The following PRR5 variants were observed in gnomAD, a reference collection of about 807,000 sequenced individuals.
The protein encoded by PRR5 is proline-rich protein 5.
In PRR5, 25 loss-of-function variants were observed where a neutral mutation model predicts 30.6. The observed-to-expected ratio is 0.82, with a 90% CI of 0.60 to 1.14. The LOEUF is 1.14. PRR5 is among the 50% of genes most tolerant of loss of function. The probability of loss-of-function intolerance (pLI) is 0.00; values close to 1 mark genes in which losing one functional copy is unlikely to be tolerated. For synonymous variants in PRR5, 286 were observed against 247.1 expected, an observed-to-expected ratio of 1.16 and a Z score of -1.48; for missense variants, 600 against 547.1, an observed-to-expected ratio of 1.10 and a Z score of -0.96.
intron 2 of PRR5, 81 bp downstream of exon 2, chr22:44,714,752 C>G (rs930415312): frequency 7.1e-6 from 11 of 1,541,770 alleles, no homozygotes; most frequent in Non-Finnish European, 7.9e-6. Context: ...CCAGCCAGGC[C>G]CCTGACCCGC....
intron 1 of PRR5, among the ~76,000 whole-genome samples, chr22:44,706,766 A>G (rs1927269241): frequency 6.6e-6 from 1 of 151,904 alleles, no homozygotes; most frequent in Non-Finnish European, 1.5e-5. Context: ...GACCTCAAGC[A>G]ATCCACCTGC....
At chr22:44,720,873 A>G (rs1380154493) in intron 2 of PRR5, among the ~76,000 whole-genome samples, 2 of 152,106 alleles carry the variant, frequency 1.3e-5, no homozygotes. Context: ...AGGCCAGGGG[A>G]GCCGGAGAGG....
At chr22:44,685,517 C>T (rs1453862594) in intron 1 of PRR5, among the ~76,000 whole-genome samples, 1 of 152,038 alleles carries the variant, frequency 6.6e-6, no homozygotes, top group African/African-American at 2.4e-5. Flanking sequence ...GGGAGCCTTG[C>T]GCTTTCAGAG....
chr22:44,702,323 C>A lies in PRR5; in HGVS notation c.-152C>A, dbSNP rs1405671776. 2 of 1,148,814 alleles carry A rather than the reference C, an allele frequency of 1.7e-6. No individual in the cohort carries two copies. The highest frequency in any genetic ancestry group is 7.6e-5 in the East Asian group (2 of 26,304). The allele number at this position is 1,148,814 out of a possible 1,614,324, so 71.2% of individuals were successfully genotyped here. ...CGGGACCCGAGACGGAGGCGCGGGG[C>A]CGGGGCGGGACCCCGCAGGACCGCT... On this transcript the variant is annotated 5_prime_UTR_variant, in exon 1 of 8. Coordinates refer to ENST00000336985, the MANE Select transcript of PRR5 (RefSeq NM_181333.4).
chr22:44,687,900 G>A (rs150965770), intron 1 of PRR5, among the ~76,000 whole-genome samples: 7,923 of 151,770 alleles, frequency 0.052, 424 homozygotes, highest in African/African-American at 0.14. Context: ...TCAGCCCCCC[G>A]AGTAGCTGGG....
chr22:44,729,635 G>A (rs1921553639), intron 4 of PRR5: 6 of 985,458 alleles, frequency 6.1e-6, no homozygotes, highest in Middle Eastern at 5.2e-4. Flanking sequence ...CCCCATACCT[G>A]CCTCCGACTA....
chr22:44,735,233 C>T (rs1922997092), intron 7 of PRR5, 71 bp downstream of exon 7: 2 of 1,486,304 alleles, frequency 1.3e-6, no homozygotes, highest in South Asian at 1.2e-5. Flanking sequence ...AACAAATGGG[C>T]AAGCCGAGGC....
intron 2 of PRR5, among the ~76,000 whole-genome samples, chr22:44,715,168 C>T (rs1928872435): frequency 6.6e-6 from 1 of 152,172 alleles, no homozygotes; most frequent in African/African-American, 2.4e-5. Context: ...GACACACACC[C>T]GACAAGCTGC....
chr22:44,687,556 T>C (rs1364030979), intron 1 of PRR5, among the ~76,000 whole-genome samples: 1 of 152,192 alleles, frequency 6.6e-6, no homozygotes, highest in East Asian at 1.9e-4. Flanking sequence ...TTGTCATCTC[T>C]TATTGTCAGT....
At position 44,681,648 on chromosome 22, in the gene PRR5, G is replaced by C. The variant is rs1601951071; in HGVS notation, c.-11+4408G>C. 1.3e-4 allele frequency among the ~76,000 whole-genome samples: 20 copies of C among 152,204 alleles called. 2 individuals carry two copies. In the South Asian group the frequency reaches 4.2e-3, roughly 32 times the overall value. On this transcript the variant is annotated intron_variant, in intron 1 of 8. Transcript: ENST00000006251. The stretch of plus-strand genomic sequence containing the variant: ...CTTTTTGAAGAGTCCAGCAGACAGT[G>C]CAGGCACAGCTCTGGGGAGGCGAGG...
chr22:44,669,964 C>A lies in PRR5; in HGVS notation c.-11+1159C>A, dbSNP rs77294426. Among the ~76,000 whole-genome samples the A allele has an allele frequency of 5.9e-4, 90 of 152,298 alleles. 2 individuals carry two copies. In the East Asian group the frequency reaches 0.016, roughly 27 times the overall value. On this transcript the variant is annotated intron_variant, in intron 1 of 8. Transcript: ENST00000432186. ...GGGGCTCTCCAAGTGAGGTCCTGGA[C>A]CCCCAGATCATCCTCCTTGATGACA...
chr22:44,674,507 G>C (rs1306766522), upstream of PRR5, among the ~76,000 whole-genome samples: 1 of 151,932 alleles, frequency 6.6e-6, no homozygotes, highest in Non-Finnish European at 1.5e-5. Context: ...CGGATCACGA[G>C]GTCAGGAGAT....
intron 1 of PRR5, among the ~76,000 whole-genome samples, chr22:44,689,187 T>C (rs1249184222): frequency 1.3e-5 from 2 of 152,164 alleles, no homozygotes; most frequent in Admixed American, 6.5e-5. Context: ...GAAGACAATA[T>C]AATAATAACC....
At chr22:44,676,412 A>AAAG (rs1555894695), upstream of PRR5, among the ~76,000 whole-genome samples, 5 of 148,546 alleles carry the variant, frequency 3.4e-5, no homozygotes, top group South Asian at 8.5e-4. Flanking sequence ...AAAAAAAAAA[A>AAAG]AAAGAAAGAA....
chr22:44,675,285 G>A (rs1347240248), upstream of PRR5, among the ~76,000 whole-genome samples: 1 of 152,050 alleles, frequency 6.6e-6, no homozygotes, highest in Non-Finnish European at 1.5e-5. Flanking sequence ...AAGAAATGGG[G>A]TTTTGCCACG....
chr22:44,721,533 T>G (rs996300814), intron 2 of PRR5, among the ~76,000 whole-genome samples: 3 of 152,242 alleles, frequency 2.0e-5, no homozygotes, highest in Non-Finnish European at 4.4e-5. Context: ...CAGAGGTTCT[T>G]GCAGTTTTTC....
At chr22:44,670,341 G>C (rs185938525) in intron 1 of PRR5, among the ~76,000 whole-genome samples, 1 of 152,212 alleles carries the variant, frequency 6.6e-6, no homozygotes, top group African/African-American at 2.4e-5. Flanking sequence ...AAATCGTGGG[G>C]CGGGGATTGC....
intron 3 of PRR5, 99 bp from the exon 4 acceptor site, chr22:44,726,478 T>C (rs1021988708): frequency 6.4e-7 from 1 of 1,567,062 alleles, no homozygotes; most frequent in African/African-American, 1.4e-5. Context: ...CTTTAAGCCT[T>C]GGCTGCTCAC....
chr22:44,672,961 C>T (rs1334564356), upstream of PRR5, among the ~76,000 whole-genome samples: 1 of 152,238 alleles, frequency 6.6e-6, no homozygotes, highest in African/African-American at 2.4e-5. Flanking sequence ...GAAATACTGC[C>T]ACAGAGCCTT....
Sources: gnomAD v4.1 joint callset for allele counts (sites outside exome capture counted in the v4.1 genomes callset) on GRCh38, gnomAD v4.1.1 for gene constraint, MANE v1.5 for transcripts, NCBI Gene and HGNC (gene_info 2026-07-23, HGNC 2026-07-21) for gene names.